TUSC3: variants seen among roughly 807,000 people sequenced by gnomAD.
TUSC3 encodes the protein tumor suppressor candidate 3.
A neutral mutation model predicts 44.8 loss-of-function variants in TUSC3; 45 were observed. The observed-to-expected ratio is 1.00, with a 90% CI of 0.79 to 1.29. The LOEUF (loss-of-function observed/expected upper bound fraction) is 1.29, where lower values mean the gene tolerates loss of function less well. Among genes scored for constraint, TUSC3 ranks in the 50% most tolerant of loss-of-function variants. TUSC3 has a pLI of 0.00. For synonymous variants in TUSC3, 212 were observed against 152.9 expected, an observed-to-expected ratio of 1.39 and a Z score of -2.85; for missense variants, 519 against 437.9, an observed-to-expected ratio of 1.19 and a Z score of -1.65.
At chr8:15,721,043 A>G (rs548541824) in intron 6 of TUSC3, among the ~76,000 whole-genome samples, 2 of 152,250 alleles carry the variant, frequency 1.3e-5, no homozygotes, top group East Asian at 1.9e-4. Flanking sequence ...GAGATAGACT[A>G]TGCTTCGAAG....
intron 2 of TUSC3, among the ~76,000 whole-genome samples, chr8:15,633,370 T>C (rs1805908863): frequency 6.6e-6 from 1 of 152,174 alleles, no homozygotes; most frequent in African/African-American, 2.4e-5. Flanking sequence ...ATTGATCACT[T>C]CGGTGAAAGT....
intron 6 of TUSC3, among the ~76,000 whole-genome samples, chr8:15,717,311 A>T (rs1217575772): frequency 1.3e-5 from 2 of 152,142 alleles, no homozygotes; most frequent in Non-Finnish European, 2.9e-5. Context: ...TTTTGAGATG[A>T]ATCAGGAAAA....
At chr8:15,445,353 T>C (rs892086812) in intron 1 of TUSC3, among the ~76,000 whole-genome samples, 1 of 151,660 alleles carries the variant, frequency 6.6e-6, no homozygotes, top group African/African-American at 2.4e-5. Flanking sequence ...CATTATTGGG[T>C]GTTTCTCAGA....
intron 9 of TUSC3, among the ~76,000 whole-genome samples, chr8:15,756,806 T>C (rs2604365): frequency 3.3e-5 from 5 of 151,868 alleles, no homozygotes; most frequent in African/African-American, 1.2e-4. Flanking sequence ...TAGTTGAAGG[T>C]GTGTGGAAAA....
the TUSC3 span, among the ~76,000 whole-genome samples, chr8:15,785,230 A>G: frequency 6.6e-6 from 1 of 152,064 alleles, no homozygotes; most frequent in African/African-American, 2.4e-5. Context: ...AAATTTTAAA[A>G]AGAAGATCTG....
intron 7 of TUSC3, among the ~76,000 whole-genome samples, chr8:15,735,866 A>G (rs1162977079): frequency 9.7e-5 from 7 of 71,958 alleles, no homozygotes; most frequent in Non-Finnish European, 1.6e-4. Context: ...CACCCGGCTA[A>G]TGGGTTTTTT....
chr8:15,837,240 A>T, the TUSC3 span, among the ~76,000 whole-genome samples: 22 of 152,164 alleles, frequency 1.4e-4, no homozygotes, highest in Non-Finnish European at 5.9e-5. Context: ...AAAATCACGT[A>T]ACTTATTAAG....
chr8:15,791,428 A>G, the TUSC3 span, among the ~76,000 whole-genome samples: 1 of 152,132 alleles, frequency 6.6e-6, no homozygotes, highest in African/African-American at 2.4e-5. Flanking sequence ...ATGTTAATTT[A>G]TATGCATAGC....
In TUSC3 at chr8:15,667,364, T is replaced by C. The variant is rs191955951; in HGVS notation, c.708+5068T>C. On this transcript the variant is annotated intron_variant, in intron 5 of 10. Coordinates refer to ENST00000503731, the MANE Select transcript of TUSC3 (RefSeq NM_006765.4). ...TTTCTGTATAACACTGAAACCAAGT[T>C]TTAAAAAATGAACAATAAATAATTC... Among the ~76,000 whole-genome samples the C allele has an allele frequency of 1.5e-3, 220 of 151,714 alleles. 3 individuals carry two copies. The highest frequency in any genetic ancestry group is 2.1e-3 in the Non-Finnish European group (144 of 67,720).
rs1563147793 is a variant in TUSC3, at chr8:15,638,946, C to CTTTGGACTTTCTGTGTGCTTAGTGGGA, written c.309-11749_309-11748insTGGACTTTCTGTGTGCTTAGTGGGATT. On this transcript the variant is annotated intron_variant, in intron 2 of 10. Transcript: ENST00000503731. ...ATGCTAGATCACGTGATGTTCAGAG[C>CTTTGGACTTTCTGTGTGCTTAGTGGGA]TTCAGTGATGATGATCATGTGTCGA... 1.1e-4 allele frequency among the ~76,000 whole-genome samples: 17 copies of CTTTGGACTTTCTGTGTGCTTAGTGGGA among 151,828 alleles called. 2 individuals carry two copies. In the East Asian group the frequency reaches 2.0e-3, roughly 18 times the overall value.
the TUSC3 span, among the ~76,000 whole-genome samples, chr8:15,844,376 T>G: frequency 8.5e-5 from 13 of 152,126 alleles, no homozygotes; most frequent in African/African-American, 3.1e-4. Context: ...CCTCAGTGAT[T>G]AATAAGCTAA....
intron 2 of TUSC3, among the ~76,000 whole-genome samples, chr8:15,498,762 C>G (rs1800915631): frequency 6.6e-6 from 1 of 152,114 alleles, no homozygotes; most frequent in African/African-American, 2.4e-5. Flanking sequence ...TAAGGGTTTT[C>G]TTCCTTCCTG....
the TUSC3 span, among the ~76,000 whole-genome samples, chr8:15,804,027 T>C: frequency 6.6e-5 from 10 of 152,200 alleles, no homozygotes; most frequent in Admixed American, 1.3e-4. Context: ...CATGTGTCTT[T>C]ATAGTAGAAT....
At chr8:15,730,550 T>G (rs1262141728) in intron 6 of TUSC3, 116 bp from the exon 7 acceptor site, 3 of 1,005,632 alleles carry the variant, frequency 3.0e-6, no homozygotes, top group African/African-American at 3.2e-5. Flanking sequence ...TAGAAAGTAA[T>G]AAAAAATTAG....
intron 2 of TUSC3, among the ~76,000 whole-genome samples, chr8:15,638,515 CTTTTTTTT>C (rs547743726): frequency 7.4e-5 from 6 of 81,108 alleles, no homozygotes; most frequent in Non-Finnish European, 8.8e-5. Flanking sequence ...TTCTTTTTTT[CTTTTTTTT>C]TTTTTTTTTT....
the TUSC3 span, among the ~76,000 whole-genome samples, chr8:15,838,225 A>G: frequency 2.0e-5 from 3 of 152,184 alleles, no homozygotes; most frequent in South Asian, 4.1e-4. Flanking sequence ...ACCTCCGGAT[A>G]TATCATTTAC....
the TUSC3 span, among the ~76,000 whole-genome samples, chr8:15,814,537 C>G: frequency 4.6e-5 from 7 of 152,308 alleles, no homozygotes; most frequent in East Asian, 1.9e-4. Flanking sequence ...TTTTGTGCTA[C>G]TGCACTTTAG....
chr8:15,570,550 T>A (rs1394403662), intron 1 of TUSC3, among the ~76,000 whole-genome samples: 1 of 152,188 alleles, frequency 6.6e-6, no homozygotes, highest in Non-Finnish European at 1.5e-5. Flanking sequence ...AAGCGGATGC[T>A]ACGATTTATA....
the TUSC3 span, among the ~76,000 whole-genome samples, chr8:15,834,922 G>C: frequency 6.6e-6 from 1 of 152,168 alleles, no homozygotes; most frequent in East Asian, 1.9e-4. Context: ...CATGTGCACA[G>C]GTTCCCCAGG....
Sources: allele counts gnomAD v4.1 joint callset (sites outside exome capture counted in the v4.1 genomes callset), GRCh38; gene constraint gnomAD v4.1.1; transcripts MANE v1.5; gene names NCBI Gene and HGNC (gene_info 2026-07-23, HGNC 2026-07-21).